ERBB4: variants seen among roughly 807,000 people sequenced by gnomAD.
ERBB4 encodes the protein receptor tyrosine-protein kinase erbB-4.
ERBB4 carries 42 observed loss-of-function variants against 158.0 expected under a neutral mutation model. The ratio of observed to expected loss-of-function variants is 0.27; its 90% CI spans 0.21 to 0.34. The LOEUF is 0.34. Ranked by LOEUF, ERBB4 falls within the 10% of genes least tolerant of loss-of-function variation. The pLI, the probability that ERBB4 is intolerant of heterozygous loss-of-function variation, is 1.00. For missense variants in ERBB4, 1,333 were observed against 1,624.1 expected, an observed-to-expected ratio of 0.82 and a Z score of 3.08; for synonymous variants, 583 against 558.7, an observed-to-expected ratio of 1.04 and a Z score of -0.61.
At chr2:211,466,140 C>A (rs4490118) in intron 20 of ERBB4, among the ~76,000 whole-genome samples, 102,844 of 151,820 alleles carry the variant, frequency 0.68, 36,347 homozygotes, top group South Asian at 0.78. Context: ...GTTCTCAACT[C>A]GGAAAGAGCT....
At chr2:211,846,334 C>A (rs1047864325) in intron 3 of ERBB4, among the ~76,000 whole-genome samples, 7 of 152,072 alleles carry the variant, frequency 4.6e-5, no homozygotes, top group Non-Finnish European at 1.0e-4. Context: ...AAAATTTAAT[C>A]AGAATGCTTA....
At chr2:212,290,772 T>C (rs1451323528) in intron 1 of ERBB4, among the ~76,000 whole-genome samples, 3 of 152,058 alleles carry the variant, frequency 2.0e-5, no homozygotes, top group Non-Finnish European at 2.9e-5. Flanking sequence ...TGACATTCTG[T>C]TCAATGTAAA....
chr2:212,061,737 C>CT (rs71054164), intron 2 of ERBB4, among the ~76,000 whole-genome samples: 4,591 of 134,018 alleles, frequency 0.034, 107 homozygotes, highest in Non-Finnish European at 0.049. Flanking sequence ...TTTTTCTTTT[C>CT]TTTTTTTTTT....
At chr2:212,138,247 C>T (rs1006099315) in intron 1 of ERBB4, among the ~76,000 whole-genome samples, 1 of 152,096 alleles carries the variant, frequency 6.6e-6, no homozygotes, top group African/African-American at 2.4e-5. Flanking sequence ...ACGAAATATA[C>T]ATCGTTTTGT....
chr2:212,134,567 C>G (rs2080209184), intron 1 of ERBB4, among the ~76,000 whole-genome samples: 1 of 150,858 alleles, frequency 6.6e-6, no homozygotes, highest in East Asian at 1.9e-4. Context: ...AATTGGTATC[C>G]TTTTAAAAAA....
At chr2:211,909,161 G>T (rs189431507) in intron 3 of ERBB4, among the ~76,000 whole-genome samples, 1 of 151,620 alleles carries the variant, frequency 6.6e-6, no homozygotes, top group South Asian at 2.1e-4. Context: ...AATATTCTCT[G>T]CAATAAATAT....
At chr2:212,389,259 T>A (rs920171025) in intron 1 of ERBB4, among the ~76,000 whole-genome samples, 2 of 152,062 alleles carry the variant, frequency 1.3e-5, no homozygotes, top group Non-Finnish European at 2.9e-5. Flanking sequence ...AATAGATACA[T>A]ATATTGAAAA....
chr2:212,293,452 A>G (rs895948008), intron 1 of ERBB4, among the ~76,000 whole-genome samples: 23 of 152,118 alleles, frequency 1.5e-4, no homozygotes, highest in African/African-American at 5.5e-4. Context: ...CATTAAACTG[A>G]CACAGACAAC....
chr2:212,382,197 T>C (rs966502072), intron 1 of ERBB4, among the ~76,000 whole-genome samples: 2 of 125,600 alleles, frequency 1.6e-5, no homozygotes, highest in Admixed American at 1.5e-4. Flanking sequence ...TAAACACATA[T>C]AAATATATAT....
intron 12 of ERBB4, among the ~76,000 whole-genome samples, chr2:211,683,741 G>GT (rs2072450143): frequency 2.9e-5 from 3 of 102,744 alleles, no homozygotes. Flanking sequence ...CTTTAGTCAG[G>GT]GTTTTTTTTT....
At chr2:211,483,798 C>T (rs187719093) in intron 20 of ERBB4, among the ~76,000 whole-genome samples, 63 of 152,144 alleles carry the variant, frequency 4.1e-4, no homozygotes, top group Middle Eastern at 6.8e-3. Context: ...GTGATCCTTC[C>T]CCTCAGCCTC....
At chr2:211,391,394 C>T (rs889863882) in intron 25 of ERBB4, among the ~76,000 whole-genome samples, 3 of 152,218 alleles carry the variant, frequency 2.0e-5, no homozygotes, top group Admixed American at 6.5e-5. Flanking sequence ...TGCTGTCCAT[C>T]AAAGTCCAGC....
intron 1 of ERBB4, among the ~76,000 whole-genome samples, chr2:212,225,651 TCA>T (rs1399022612): frequency 6.6e-6 from 1 of 151,344 alleles, no homozygotes; most frequent in African/African-American, 2.4e-5. Flanking sequence ...ATATATTATA[TCA>T]CATAAAATAT....
At chr2:211,792,691 A>T (rs954212587) in intron 3 of ERBB4, among the ~76,000 whole-genome samples, 35 of 151,824 alleles carry the variant, frequency 2.3e-4, no homozygotes, top group African/African-American at 8.5e-4. Flanking sequence ...TTGTCCTTAC[A>T]TTTTTCAGAA....
intron 25 of ERBB4, among the ~76,000 whole-genome samples, chr2:211,391,198 T>G (rs1042044813): frequency 3.9e-5 from 6 of 152,168 alleles, no homozygotes; most frequent in Non-Finnish European, 8.8e-5. Flanking sequence ...TCTCTCTCCC[T>G]CAATTCCCCA....
At chr2:211,880,504 G>T (rs1342906385) in intron 3 of ERBB4, among the ~76,000 whole-genome samples, 1 of 151,968 alleles carries the variant, frequency 6.6e-6, no homozygotes, top group Non-Finnish European at 1.5e-5. Context: ...TACATAAGGG[G>T]TCTTCAAAAA....
intron 2 of ERBB4, among the ~76,000 whole-genome samples, chr2:212,091,524 C>T (rs2078776097): frequency 6.6e-6 from 1 of 152,038 alleles, no homozygotes; most frequent in African/African-American, 2.4e-5. Context: ...CTTAACACTG[C>T]CAATGGTTGC....
rs187033764 is a variant in ERBB4, at chr2:212,413,627, G to T, written c.82+124822C>A. 2.0e-5 allele frequency among the ~76,000 whole-genome samples: 3 copies of T among 152,146 alleles called. No individual in the cohort carries two copies. In the East Asian group the frequency reaches 5.8e-4, roughly 29 times the overall value. On this transcript the variant is annotated intron_variant, in intron 1 of 27. Transcript: ENST00000342788. ...TCAGTAATTTCAAAACTAGTAATACGATATGGGAACAGTATGTTATAGCAG... is the reference window on the plus strand; with the variant it reads ...TCAGTAATTTCAAAACTAGTAATACTATATGGGAACAGTATGTTATAGCAG...
chr2:211,984,713 C>T (rs943994492), intron 2 of ERBB4, among the ~76,000 whole-genome samples: 1 of 152,034 alleles, frequency 6.6e-6, no homozygotes, highest in African/African-American at 2.4e-5. Context: ...CAACTTTCAG[C>T]CATGTTCAAA....
Sources: allele counts gnomAD v4.1 joint callset (sites outside exome capture counted in the v4.1 genomes callset), GRCh38; gene constraint gnomAD v4.1.1; transcripts MANE v1.5; gene names NCBI Gene and HGNC (gene_info 2026-07-23, HGNC 2026-07-21).